The following PIEZO2 variants were observed in gnomAD, a reference collection of about 807,000 sequenced individuals.
PIEZO2 encodes piezo type mechanosensitive ion channel component 2, also known as piezo-type mechanosensitive ion channel component 2.
A neutral mutation model predicts 337.3 loss-of-function variants in PIEZO2; 172 were observed. That is an observed-to-expected ratio of 0.51 (90% confidence interval 0.45 to 0.58). The LOEUF is 0.58. Among genes scored for constraint, PIEZO2 ranks in the 20% least tolerant of loss-of-function variants. PIEZO2 has a pLI of 0.00. For missense variants in PIEZO2, 3,028 were observed against 3,391.3 expected (o/e 0.89, Z 2.66); for synonymous variants, 1,251 against 1,228.5 (o/e 1.02, Z -0.38).
chr18:10,932,448 C>T (rs1207891938), intron 3 of PIEZO2, among the ~76,000 whole-genome samples: 1 of 152,134 alleles, frequency 6.6e-6, no homozygotes, highest in Non-Finnish European at 1.5e-5. Flanking sequence ...AATTCTCCAC[C>T]TGCTTGGAAA....
chr18:10,760,918 C>A lies in PIEZO2; in HGVS notation c.3443G>T (p.Gly1148Val). The A allele has an allele frequency of 6.5e-7, 1 of 1,530,026 alleles. No homozygotes were observed. Among genetic ancestry groups the A allele is most frequent in the Non-Finnish European group, 8.8e-7 (1 of 1,141,540 alleles). The allele number at this position is 1,530,026 out of a possible 1,614,324, so 94.8% of individuals were successfully genotyped here. A position where few individuals can be genotyped will look rare whatever the true frequency, so the allele number is the denominator to read the frequency against. ...YFINYFFYKF[G>V]LETCFLMSVN... Reference sequence around the variant, plus strand: ...ATCAGCAAGGAAACTCACCTCCAGACCAAACTTGTAAAAGAAGTAATTAAT... The same window carrying A: ...ATCAGCAAGGAAACTCACCTCCAGAACAAACTTGTAAAAGAAGTAATTAAT... Residue 1148 changes from glycine to valine, a missense_variant, in exon 24 of 56, where the codon GGT becomes GTT. Gly to Val is a moderately radical substitution (Grantham distance 109, BLOSUM62 -3). Around this residue, in one of 5 missense-constraint regions of PIEZO2, gnomAD observed 1,925 missense variants for 2,051.9 expected, o/e 0.94. Coordinates refer to ENST00000674853, the MANE Select transcript of PIEZO2 (RefSeq NM_001378183.1).
intron 2 of PIEZO2, among the ~76,000 whole-genome samples, chr18:11,036,972 G>A (rs1026510417): frequency 1.3e-5 from 2 of 151,962 alleles, no homozygotes; most frequent in African/African-American, 4.8e-5. Context: ...GCGTGTGTTT[G>A]CATGTGTGTG....
intron 1 of PIEZO2, among the ~76,000 whole-genome samples, chr18:11,136,063 A>C (rs2040476227): frequency 6.6e-6 from 1 of 152,220 alleles, no homozygotes; most frequent in African/African-American, 2.4e-5. Flanking sequence ...CCAATTTAAG[A>C]AATGCTTTAG....
intron 5 of PIEZO2, among the ~76,000 whole-genome samples, chr18:10,865,549 C>T (rs1256072843): frequency 6.6e-6 from 1 of 152,106 alleles, no homozygotes; most frequent in Non-Finnish European, 1.5e-5. Context: ...GTGTTTCTGG[C>T]TCAAGCAGCT....
At chr18:11,066,002 C>T (rs1472936001) in intron 2 of PIEZO2, 125 bp downstream of exon 2, 2 of 710,514 alleles carry the variant, frequency 2.8e-6, no homozygotes, top group Non-Finnish European at 4.6e-6. Flanking sequence ...ACACCCACTC[C>T]ATGCCATATT....
chr18:10,735,765 C>G (rs537072844), intron 34 of PIEZO2, among the ~76,000 whole-genome samples: 2 of 152,114 alleles, frequency 1.3e-5, no homozygotes, highest in Non-Finnish European at 2.9e-5. Flanking sequence ...CACTGGGAAA[C>G]AAGCATGGAT....
chr18:10,839,097 A>G (rs1281533655), intron 7 of PIEZO2, among the ~76,000 whole-genome samples: 1 of 152,204 alleles, frequency 6.6e-6, no homozygotes, highest in East Asian at 1.9e-4. Context: ...GTCAACCAAC[A>G]GCTCTGCAAG....
chr18:10,997,240 C>A (rs1220205544), intron 2 of PIEZO2, among the ~76,000 whole-genome samples: 1 of 148,726 alleles, frequency 6.7e-6, no homozygotes, highest in African/African-American at 2.5e-5. Flanking sequence ...AGATTGACTG[C>A]CTGCAAAAAA....
chr18:11,064,950 G>A (rs2038102429), intron 2 of PIEZO2, among the ~76,000 whole-genome samples: 1 of 152,186 alleles, frequency 6.6e-6, no homozygotes, highest in Non-Finnish European at 1.5e-5. Context: ...ATGAGGCTGT[G>A]GTGGGTGGGG....
chr18:10,997,053 C>G (rs2035349614), intron 2 of PIEZO2, among the ~76,000 whole-genome samples: 1 of 151,998 alleles, frequency 6.6e-6, no homozygotes, highest in Non-Finnish European at 1.5e-5. Flanking sequence ...TGGAACAGCC[C>G]TCAAAAAGCT....
At chr18:10,754,534 G>A (rs796568726) in intron 27 of PIEZO2, among the ~76,000 whole-genome samples, 7 of 152,272 alleles carry the variant, frequency 4.6e-5, no homozygotes, top group African/African-American at 1.7e-4. Flanking sequence ...AAAATCAATG[G>A]CACACAAAAG....
chr18:10,684,216 A>G (rs1278148274), intron 49 of PIEZO2, among the ~76,000 whole-genome samples: 2 of 112,230 alleles, frequency 1.8e-5, no homozygotes, highest in Admixed American at 1.3e-4. Context: ...CCCAGGCTGG[A>G]GTGCAGTGGC....
chr18:10,754,686 A>G (rs984339144), intron 27 of PIEZO2, among the ~76,000 whole-genome samples: 4 of 152,220 alleles, frequency 2.6e-5, no homozygotes, highest in Admixed American at 6.5e-5. Context: ...CTTACCTTAG[A>G]TCAGTGCCTA....
chr18:10,768,718 G>C (rs1033434167), intron 21 of PIEZO2, among the ~76,000 whole-genome samples: 3 of 152,164 alleles, frequency 2.0e-5, no homozygotes, highest in African/African-American at 7.2e-5. Context: ...GTTTTCCCAA[G>C]AGTGTAACAA....
rs7234309 is a variant in PIEZO2 at position 10,752,668 on chromosome 18, C to T, written c.4135G>A (p.Val1379Ile). The T allele has an allele frequency of 0.28, 424,993 of 1,536,748 alleles. 60,652 individuals are homozygous for T. The highest frequency in any genetic ancestry group is 0.44 in the East Asian group (18,065 of 40,902). The change falls in exon 28 of 56, where the codon GTT becomes ATT. Residue 1379 changes from valine to isoleucine, a missense_variant. By Grantham distance (29) the Val-to-Ile change is conservative. Around this residue, in one of 5 missense-constraint regions of PIEZO2, gnomAD observed 1,925 missense variants for 2,051.9 expected, o/e 0.94. Coordinates refer to ENST00000674853, the MANE Select transcript of PIEZO2 (RefSeq NM_001378183.1). ...ATATTTTTCATCGTAATCACAAAAA[C>T]GTTGTATGCGATCAGCCAGTCCCAG... ...RYWDWLIAYN[V>I]FVITMKNILS...
intron 36 of PIEZO2, among the ~76,000 whole-genome samples, chr18:10,730,659 C>T (rs1211469000): frequency 6.6e-6 from 1 of 152,068 alleles, no homozygotes; most frequent in Non-Finnish European, 1.5e-5. Context: ...TTGCTTGTTT[C>T]TGAGTGTTGT....
chr18:11,107,069 T>A (rs578057672), intron 1 of PIEZO2, among the ~76,000 whole-genome samples: 20 of 152,310 alleles, frequency 1.3e-4, no homozygotes, highest in African/African-American at 4.1e-4. Context: ...CTGATCTCAA[T>A]GACCGCAACT....
intron 7 of PIEZO2, among the ~76,000 whole-genome samples, chr18:10,808,932 CCT>C (rs1330472646): frequency 1.3e-5 from 2 of 152,204 alleles, no homozygotes; most frequent in Non-Finnish European, 2.9e-5. Flanking sequence ...CTAGAACTAA[CCT>C]CATCAACTCT....
rs2042994272 is a variant in PIEZO2 at position 10,899,669 on chromosome 18, G to C, written c.329+11517C>G. Among the ~76,000 whole-genome samples, 1 of 152,042 alleles carries C rather than the reference G, an allele frequency of 6.6e-6. No individual in the cohort carries two copies. Among genetic ancestry groups the C allele is most frequent in the Non-Finnish European group, 1.5e-5 (1 of 68,006 alleles). On this transcript the variant is annotated intron_variant, in intron 4 of 55. Transcript: ENST00000674853. The surrounding 1 kb of genome is among the most constrained non-coding windows in gnomAD (Gnocchi z 4.6). The stretch of plus-strand genomic sequence containing the variant: ...CATTTTATACACTCAACACCCAACT[G>C]TTACCTCCATATCAAACAGCATGAA...
Sources: gnomAD v4.1 joint callset for allele counts (sites outside exome capture counted in the v4.1 genomes callset) on GRCh38, gnomAD v4.1.1 for gene constraint, gnomAD v4.1.1 regional missense constraint, Gnocchi (gnomAD v3.1) non-coding constraint, MANE v1.5 for transcripts, NCBI Gene and HGNC (gene_info 2026-07-23, HGNC 2026-07-21) for gene names.